The following COL4A2 variants were observed in gnomAD, a reference collection of about 807,000 sequenced individuals.
The protein encoded by COL4A2 is collagen type IV alpha 2 chain.
A neutral mutation model predicts 200.2 loss-of-function variants in COL4A2; 99 were observed. The ratio of observed to expected loss-of-function variants is 0.49; its 90% confidence interval spans 0.42 to 0.58. The LOEUF (loss-of-function observed/expected upper bound fraction) is 0.58. COL4A2 is among the 20% of genes least tolerant of loss of function. The pLI is 0.00. For synonymous variants in COL4A2, 897 were observed against 900.6 expected, an observed-to-expected ratio of 1.00 and a Z score of 0.07; for missense variants, 1,950 against 2,314.1, an observed-to-expected ratio of 0.84 and a Z score of 3.23.
intron 47 of COL4A2, among the ~76,000 whole-genome samples, chr13:110,509,268 T>TACACACACACACACACAC (rs1474219877): frequency 8.3e-6 from 1 of 120,622 alleles, no homozygotes; most frequent in African/African-American, 3.8e-5. Context: ...TATATATATA[T>TACACACACACACACACAC]ATACACACAC....
At chr13:110,471,720 C>G (rs1319864961) in intron 28 of COL4A2, among the ~76,000 whole-genome samples, 1 of 152,232 alleles carries the variant, frequency 6.6e-6, no homozygotes, top group East Asian at 1.9e-4. Flanking sequence ...GATGGCTTTA[C>G]CGGCCCAGGA....
intron 4 of COL4A2, among the ~76,000 whole-genome samples, chr13:110,369,921 A>C (rs1386733192): frequency 6.6e-6 from 1 of 152,156 alleles, no homozygotes; most frequent in Non-Finnish European, 1.5e-5. Context: ...TTCCATCCTA[A>C]AGTATTAATT....
intron 6 of COL4A2, among the ~76,000 whole-genome samples, chr13:110,425,841 G>T (rs1029318845): frequency 7.2e-5 from 11 of 152,206 alleles, no homozygotes; most frequent in African/African-American, 2.7e-4. Flanking sequence ...ATGAGTGAGT[G>T]GAGGGCAGTG....
chr13:110,406,439 A>G (rs1223974008), intron 4 of COL4A2, among the ~76,000 whole-genome samples: 3 of 152,218 alleles, frequency 2.0e-5, no homozygotes, highest in Non-Finnish European at 4.4e-5. Flanking sequence ...GTAAATTCAC[A>G]GCAAGACCCT....
At chr13:110,493,055 G>A (rs1420828703) in intron 38 of COL4A2, among the ~76,000 whole-genome samples, 156 bp from the exon 39 acceptor site, 1 of 50,120 alleles carries the variant, frequency 2.0e-5, no homozygotes, top group Non-Finnish European at 4.9e-5. Flanking sequence ...CCCCACAGGT[G>A]AAATAACGAT....
At chr13:110,465,043 CA>C (rs1470412464) in intron 24 of COL4A2, among the ~76,000 whole-genome samples, 1 of 152,190 alleles carries the variant, frequency 6.6e-6, no homozygotes, top group African/African-American at 2.4e-5. Context: ...TAAATTATAA[CA>C]ACAAAATCAT....
Position 110,472,915 on chromosome 13 carries a change from A to G in COL4A2, c.2204-14A>G. 2 of 1,550,164 alleles carry G rather than the reference A, an allele frequency of 1.3e-6. No individual in the cohort carries two copies. Among genetic ancestry groups the G allele is most frequent in the Non-Finnish European group, 1.7e-6 (2 of 1,145,914 alleles). On this transcript the variant is annotated splice_polypyrimidine_tract_variant and intron_variant, in intron 28 of 47. Coordinates refer to ENST00000360467, the MANE Select transcript of COL4A2 (RefSeq NM_001846.4). ...CTAACTTGTGGTTTGGGGCCCACCC[A>G]TGTTTCCTTTTAGGGTTCATAGGAC... is the stretch of plus-strand genomic sequence containing the variant.
intron 47 of COL4A2, among the ~76,000 whole-genome samples, chr13:110,510,666 ACAC>A (rs1168487536): frequency 2.0e-5 from 3 of 152,190 alleles, no homozygotes; most frequent in African/African-American, 7.2e-5. Flanking sequence ...GCATGAGTGT[ACAC>A]CATGTGTGTG....
At chr13:110,393,735 C>T (rs1027066488) in intron 4 of COL4A2, among the ~76,000 whole-genome samples, 9 of 152,130 alleles carry the variant, frequency 5.9e-5, no homozygotes, top group Admixed American at 3.3e-4. Context: ...AAAAAATAGA[C>T]GGGCGTGGTG....
At chr13:110,408,929 ACACACG>A (rs1441238238) in intron 4 of COL4A2, among the ~76,000 whole-genome samples, 1 of 56,800 alleles carries the variant, frequency 1.8e-5, no homozygotes, top group Non-Finnish European at 3.6e-5. Context: ...ACACACACGT[ACACACG>A]CACACATATA....
intron 34 of COL4A2, among the ~76,000 whole-genome samples, chr13:110,488,750 C>T (rs1427584361): frequency 6.6e-6 from 1 of 152,148 alleles, no homozygotes; most frequent in Non-Finnish European, 1.5e-5. Flanking sequence ...TTTCATGAGG[C>T]GTGAATACGC....
intron 6 of COL4A2, among the ~76,000 whole-genome samples, chr13:110,427,213 G>C (rs542777644): frequency 1.3e-5 from 2 of 152,274 alleles, no homozygotes; most frequent in South Asian, 4.1e-4. Flanking sequence ...GCAGTGGTGC[G>C]ATCTTAGCTC....
chr13:110,509,200 C>G (rs1883988923), intron 47 of COL4A2, among the ~76,000 whole-genome samples: 1 of 143,874 alleles, frequency 7.0e-6, no homozygotes, highest in Non-Finnish European at 1.5e-5. Context: ...TGTCATAACT[C>G]CAGCTATATG....
chr13:110,357,670 A>G lies in COL4A2; in HGVS notation c.180+118A>G, dbSNP rs530651620. The G allele has an allele frequency of 3.5e-6, 5 of 1,409,610 alleles. No homozygotes were observed. The East Asian group carries it at 1.0e-4, about 28-fold the overall frequency. The allele number at this position is 1,409,610 out of a possible 1,614,324, so 87.3% of individuals were successfully genotyped here. A position where few individuals can be genotyped will look rare whatever the true frequency, so the allele number is the denominator to read the frequency against. ...GGCAGTTTCATCATTGCTTGAACAT[A>G]CTGGAGAGTACTCACACAAACCTAG... On this transcript the variant is annotated intron_variant, in intron 4 of 47. Transcript: ENST00000360467.
At chr13:110,394,289 A>G (rs971702303) in intron 4 of COL4A2, among the ~76,000 whole-genome samples, 1 of 152,132 alleles carries the variant, frequency 6.6e-6, no homozygotes, top group South Asian at 2.1e-4. Context: ...CTCACTTATT[A>G]CTATTTTCCC....
chr13:110,408,832 C>T (rs1161153726), intron 4 of COL4A2, among the ~76,000 whole-genome samples: 1 of 107,482 alleles, frequency 9.3e-6, no homozygotes, highest in Admixed American at 1.1e-4. Flanking sequence ...CATGCACACA[C>T]ACATACACGC....
chr13:110,343,183 A>G (rs1314704419), intron 3 of COL4A2, among the ~76,000 whole-genome samples: 3 of 152,150 alleles, frequency 2.0e-5, no homozygotes, highest in Admixed American at 6.5e-5. Flanking sequence ...TAAAATCCCA[A>G]CAACCTAGTG....
chr13:110,442,490 C>A (rs1457290647), intron 16 of COL4A2, among the ~76,000 whole-genome samples: 2 of 152,202 alleles, frequency 1.3e-5, no homozygotes, highest in African/African-American at 4.8e-5. Context: ...AACACCTCCC[C>A]CTAGACACCA....
At chr13:110,321,519 A>G (rs796752624) in intron 3 of COL4A2, among the ~76,000 whole-genome samples, 13 of 152,068 alleles carry the variant, frequency 8.5e-5, no homozygotes, top group African/African-American at 3.1e-4. Flanking sequence ...AATCTATTCT[A>G]CTTTCTGTCA....
Sources: gnomAD v4.1 joint callset for allele counts (sites outside exome capture counted in the v4.1 genomes callset) on GRCh38, gnomAD v4.1.1 for gene constraint, MANE v1.5 for transcripts, NCBI Gene and HGNC (gene_info 2026-07-23, HGNC 2026-07-21) for gene names.